The following GRIK4 variants were observed in gnomAD, a reference collection of about 807,000 sequenced individuals.
The protein encoded by GRIK4 is glutamate ionotropic receptor kainate type subunit 4.
GRIK4 carries 40 observed loss-of-function variants against 104.9 expected under a neutral mutation model. The ratio of observed to expected loss-of-function variants is 0.38; its 90% CI spans 0.30 to 0.50. GRIK4 has a LOEUF of 0.50. GRIK4 is among the 20% of genes least tolerant of loss of function. GRIK4 has a pLI of 0.93. For missense variants in GRIK4, 1,047 were observed against 1,308.1 expected, an observed-to-expected ratio of 0.80 and a Z score of 3.08; for synonymous variants, 485 against 524.9, an observed-to-expected ratio of 0.92 and a Z score of 1.04.
At chr11:120,607,126 G>A (rs1056716986) in intron 1 of GRIK4, among the ~76,000 whole-genome samples, 2 of 152,206 alleles carry the variant, frequency 1.3e-5, no homozygotes, top group African/African-American at 4.8e-5. Flanking sequence ...GGGAGGCTCG[G>A]CTCAGTGGTC....
chr11:120,540,789 G>A (rs181620978), intron 1 of GRIK4, among the ~76,000 whole-genome samples: 1 of 151,970 alleles, frequency 6.6e-6, no homozygotes, highest in East Asian at 1.9e-4. Context: ...GCTTGCATCA[G>A]ATTTTCAAAG....
intron 1 of GRIK4, among the ~76,000 whole-genome samples, chr11:120,618,279 G>A (rs1012273490): frequency 6.6e-6 from 1 of 152,158 alleles, no homozygotes; most frequent in African/African-American, 2.4e-5. Flanking sequence ...AAGAAATTTC[G>A]AAGTAGCAAA....
At chr11:120,565,644 G>T (rs1948311831) in intron 1 of GRIK4, among the ~76,000 whole-genome samples, 1 of 152,222 alleles carries the variant, frequency 6.6e-6, no homozygotes, top group Admixed American at 6.5e-5. Flanking sequence ...ACAGGTAGGA[G>T]AAGGGGGCCT....
Position 120,802,675 on chromosome 11 carries a change from G to A in GRIK4, c.83-18G>A, listed in dbSNP as rs374457789. On this transcript the variant is annotated intron_variant, in intron 3 of 20. Transcript: ENST00000527524. ...GCGGTGGAGTACCAATTGTCTCCAT[G>A]TGGTTGCCTGCCCACAGCTGCTATC... is the stretch of plus-strand genomic sequence containing the variant. 73 of 1,610,120 alleles carry A rather than the reference G, an allele frequency of 4.5e-5. 1 individual carries two copies. In the African/African-American group the frequency reaches 9.1e-4, roughly 20 times the overall value.
intron 3 of GRIK4, among the ~76,000 whole-genome samples, chr11:120,800,890 G>GA (rs1268474622): frequency 6.6e-6 from 1 of 152,158 alleles, no homozygotes; most frequent in Non-Finnish European, 1.5e-5. Context: ...TTGCTTTTCT[G>GA]AATTCTCAAC....
chr11:120,753,421 C>A (rs1472339949), intron 3 of GRIK4, among the ~76,000 whole-genome samples: 2 of 150,780 alleles, frequency 1.3e-5, no homozygotes, highest in Non-Finnish European at 3.0e-5. Flanking sequence ...CCTAATTCTA[C>A]CTTTGTCACT....
At chr11:120,666,818 G>A (rs527707384) in intron 3 of GRIK4, among the ~76,000 whole-genome samples, 30 of 152,308 alleles carry the variant, frequency 2.0e-4, no homozygotes, top group South Asian at 1.7e-3. Flanking sequence ...ACACCATATT[G>A]AAAGAGTGAT....
intron 1 of GRIK4, among the ~76,000 whole-genome samples, chr11:120,640,459 A>G (rs1237944732): frequency 3.3e-5 from 5 of 152,208 alleles, no homozygotes; most frequent in Non-Finnish European, 7.3e-5. Context: ...CTCTTAAACC[A>G]GTAGGTGCTT....
chr11:120,952,766 C>G lies in GRIK4; in HGVS notation c.1591-89C>G. The G allele has an allele frequency of 1.2e-6, 1 of 861,352 alleles. No homozygotes were observed. 53.4% of individuals were successfully genotyped at this position (861,352 alleles called of 1,614,324 possible). A position where few individuals can be genotyped will look rare whatever the true frequency, so the allele number is the denominator to read the frequency against. ...AATGGGAACTGGGGCCAGACCCACA[C>G]TCACTACCTCCTCTACCCCGCCCTG... On this transcript the variant is annotated intron_variant, in intron 14 of 20. Transcript: ENST00000527524. This position sits in a 1 kb window ranked among gnomAD's most constrained non-coding sequence, Gnocchi z 5.2.
chr11:120,526,240 C>T (rs925799266), intron 1 of GRIK4, among the ~76,000 whole-genome samples: 7 of 152,128 alleles, frequency 4.6e-5, no homozygotes, highest in African/African-American at 1.2e-4. Context: ...CTCACTCTGT[C>T]GCCCAGGCTG....
At chr11:120,933,813 G>A (rs1943531601) in intron 13 of GRIK4, among the ~76,000 whole-genome samples, 1 of 152,182 alleles carries the variant, frequency 6.6e-6, no homozygotes, top group Non-Finnish European at 1.5e-5. Flanking sequence ...AAGGAGCAGA[G>A]GCACTGGCAG....
At chr11:120,923,935 G>T (rs1416066071) in intron 13 of GRIK4, among the ~76,000 whole-genome samples, 2 of 152,166 alleles carry the variant, frequency 1.3e-5, no homozygotes, top group African/African-American at 4.8e-5. Flanking sequence ...GGGCATCACT[G>T]TTGAATCTAG....
chr11:120,939,241 G>A lies in GRIK4; in HGVS notation c.1477-1106G>A, dbSNP rs965279313. ...AAAACTTCCTGACATAGAAGAGTAT[G>A]AGGAAGTCTACATCTTTCCCAGAAG... On this transcript the variant is annotated intron_variant, in intron 13 of 20. Transcript: ENST00000527524. This position sits in a 1 kb window ranked among gnomAD's most constrained non-coding sequence, Gnocchi z 5.6. Among the ~76,000 whole-genome samples the A allele has an allele frequency of 1.3e-5, 2 of 152,202 alleles. No individual in the cohort carries two copies. Among genetic ancestry groups the A allele is most frequent in the Non-Finnish European group, 1.5e-5 (1 of 68,034 alleles).
chr11:120,716,536 G>A lies in GRIK4; in HGVS notation c.82+56136G>A, dbSNP rs1027638965. On this transcript the variant is annotated intron_variant, in intron 3 of 20. Coordinates refer to ENST00000527524, the MANE Select transcript of GRIK4 (RefSeq NM_014619.5). ...TGTGATTAGAGGTGTGAGCCACTAC[G>A]TCTGGCTACGCTCTATGTGAATTGA... Among the ~76,000 whole-genome samples the A allele has an allele frequency of 4.6e-5, 7 of 152,202 alleles. No homozygotes were observed. In the South Asian group the frequency reaches 6.2e-4, roughly 14 times the overall value.
At chr11:120,926,911 G>A (rs1004648521) in intron 13 of GRIK4, among the ~76,000 whole-genome samples, 1 of 152,204 alleles carries the variant, frequency 6.6e-6, no homozygotes, top group African/African-American at 2.4e-5. Context: ...ATGAGCCAGA[G>A]TGTCTCGAGG....
At position 120,980,438 on chromosome 11, in the gene GRIK4, T is replaced by C. The variant is rs138977744; in HGVS notation, c.2396-1668T>C. Among the ~76,000 whole-genome samples, 1,499 of 152,326 alleles carry C rather than the reference T, an allele frequency of 9.8e-3. 22 individuals are homozygous for C. Among genetic ancestry groups the C allele is most frequent in the African/African-American group, 0.034 (1,429 of 41,574 alleles). ...AGCCAGCTCCTTGGTACATTCCCTT[T>C]TAAGTGTCCCTTTTTCATCCCCTAC... On this transcript the variant is annotated intron_variant, in intron 19 of 20. Transcript: ENST00000527524.
chr11:120,632,526 C>T (rs578090670), intron 1 of GRIK4, among the ~76,000 whole-genome samples: 3 of 152,210 alleles, frequency 2.0e-5, no homozygotes, highest in East Asian at 3.9e-4. Context: ...CACTGTGCTT[C>T]CCGTTTCCAG....
At chr11:120,765,492 G>A (rs1197240948) in intron 3 of GRIK4, among the ~76,000 whole-genome samples, 1 of 152,070 alleles carries the variant, frequency 6.6e-6, no homozygotes, top group Non-Finnish European at 1.5e-5. Flanking sequence ...GTCCGGTTTT[G>A]TTCCCTTGCT....
At chr11:120,908,803 C>T (rs1942929341) in intron 13 of GRIK4, among the ~76,000 whole-genome samples, 1 of 152,232 alleles carries the variant, frequency 6.6e-6, no homozygotes, top group Admixed American at 6.5e-5. Context: ...AGGAAGTCAC[C>T]TCCCCAACAC....
Sources: allele counts gnomAD v4.1 joint callset (sites outside exome capture counted in the v4.1 genomes callset), GRCh38; gene constraint gnomAD v4.1.1; non-coding constraint Gnocchi (gnomAD v3.1); transcripts MANE v1.5; gene names NCBI Gene and HGNC (gene_info 2026-07-23, HGNC 2026-07-21).